Variants in CLDN16 observed in about 807,000 individuals in gnomAD.
CLDN16 encodes claudin-16.
In CLDN16, 13 loss-of-function variants were observed where a neutral mutation model predicts 24.6. The ratio of observed to expected loss-of-function variants is 0.53; its 90% CI spans 0.34 to 0.84. The LOEUF is 0.84. Ranked by LOEUF, CLDN16 falls within the 40% of genes least tolerant of loss-of-function variation. CLDN16 has a pLI of 0.01. For missense variants in CLDN16, 298 were observed against 292.7 expected (o/e 1.02, Z -0.13); for synonymous variants, 116 against 106.7 (o/e 1.09, Z -0.54).
the CLDN16 span, among the ~76,000 whole-genome samples, chr3:190,304,308 T>C: frequency 7.2e-5 from 11 of 152,154 alleles, no homozygotes; most frequent in South Asian, 6.2e-4. Flanking sequence ...CAAGTTTACT[T>C]CTCTTTCCAC....
chr3:190,293,560 T>A, the CLDN16 span, among the ~76,000 whole-genome samples: 1 of 152,218 alleles, frequency 6.6e-6, no homozygotes, highest in Non-Finnish European at 1.5e-5. Flanking sequence ...AGGATTAAAG[T>A]CCAGTGACCA....
intron 2 of CLDN16, among the ~76,000 whole-genome samples, chr3:190,373,843 TA>T (rs59060697): frequency 2.8e-3 from 420 of 149,404 alleles, no homozygotes; most frequent in African/African-American, 7.6e-3. Context: ...GTGCCCATAT[TA>T]AAAAAAAAAA....
intron 1 of CLDN16, among the ~76,000 whole-genome samples, chr3:190,358,182 G>A (rs937206754): frequency 1.3e-5 from 2 of 151,728 alleles, no homozygotes; most frequent in Non-Finnish European, 2.9e-5. Context: ...AATTTGCTTT[G>A]TGATTTAGGA....
chr3:190,399,819 T>C (rs930982504), intron 1 of CLDN16, among the ~76,000 whole-genome samples: 1 of 151,986 alleles, frequency 6.6e-6, no homozygotes, highest in Non-Finnish European at 1.5e-5. Context: ...GGCTGTGCAG[T>C]GGGAGGTGAG....
the CLDN16 span, among the ~76,000 whole-genome samples, chr3:190,301,138 T>C: frequency 2.6e-5 from 4 of 152,190 alleles, no homozygotes; most frequent in Non-Finnish European, 4.4e-5. Context: ...TAGTTCTTCA[T>C]ATGCCCGTTT....
At chr3:190,375,502 G>A (rs979680865) in intron 3 of CLDN16, among the ~76,000 whole-genome samples, 4 of 152,012 alleles carry the variant, frequency 2.6e-5, no homozygotes, top group Admixed American at 6.6e-5. Flanking sequence ...TTTGTTTTAT[G>A]GTTGATCCTA....
chr3:190,336,811 G>A (rs565673300), intron 1 of CLDN16, among the ~76,000 whole-genome samples: 7 of 152,332 alleles, frequency 4.6e-5, no homozygotes, highest in South Asian at 2.1e-4. Context: ...AAAGCTGTTC[G>A]CCAAGAACTG....
intron 1 of CLDN16, among the ~76,000 whole-genome samples, chr3:190,397,300 C>T (rs944544909): frequency 2.6e-5 from 4 of 151,782 alleles, no homozygotes; most frequent in African/African-American, 4.8e-5. Flanking sequence ...ATTGTTTTAA[C>T]GTTATTTATC....
intron 1 of CLDN16, among the ~76,000 whole-genome samples, chr3:190,323,764 C>T (rs563474233): frequency 6.6e-6 from 1 of 152,228 alleles, no homozygotes; most frequent in Non-Finnish European, 1.5e-5. Context: ...CCACCTGGCT[C>T]TCCCTGGATG....
chr3:190,335,462 C>A (rs541612457), intron 1 of CLDN16, among the ~76,000 whole-genome samples: 1 of 152,090 alleles, frequency 6.6e-6, no homozygotes, highest in South Asian at 2.1e-4. Flanking sequence ...CGCCTGTAAT[C>A]CCAGCACTTT....
chr3:190,405,170 C>T (rs1201601291), intron 3 of CLDN16, among the ~76,000 whole-genome samples: 1 of 152,120 alleles, frequency 6.6e-6, no homozygotes, highest in African/African-American at 2.4e-5. Flanking sequence ...TGGCTTATGC[C>T]TATATTCCCA....
chr3:190,352,577 T>C (rs543189690), intron 1 of CLDN16, among the ~76,000 whole-genome samples: 4 of 152,296 alleles, frequency 2.6e-5, no homozygotes, highest in Non-Finnish European at 1.5e-5. Flanking sequence ...AATCATGTAA[T>C]TAGAAATCAA....
chr3:190,311,159 G>A, the CLDN16 span, among the ~76,000 whole-genome samples: 2 of 152,100 alleles, frequency 1.3e-5, no homozygotes, highest in Non-Finnish European at 1.5e-5. Flanking sequence ...AACTTGTGAT[G>A]CTTACTCCTA....
upstream of CLDN16, among the ~76,000 whole-genome samples, chr3:190,317,846 C>T (rs1406452542): frequency 1.3e-5 from 2 of 152,196 alleles, no homozygotes; most frequent in East Asian, 1.9e-4. Context: ...TATAAGTGGA[C>T]ACTTGCTGTT....
intron 1 of CLDN16, among the ~76,000 whole-genome samples, chr3:190,399,825 G>T (rs950987033): frequency 3.9e-5 from 6 of 152,134 alleles, no homozygotes; most frequent in African/African-American, 1.2e-4. Flanking sequence ...GCAGTGGGAG[G>T]TGAGCAGTGA....
rs145233284 is a variant in CLDN16 at position 190,408,257 on chromosome 3, T to G, written c.383-57T>G. On this transcript the variant is annotated intron_variant, in intron 3 of 4. Coordinates refer to ENST00000264734, the MANE Select transcript of CLDN16 (RefSeq NM_006580.4). ...ATTTTGTGTAGTAAGCAGGTATTTT[T>G]GGATTTAAATTCAGAAAATGTCCCC... The G allele has an allele frequency of 4.4e-4, 673 of 1,522,156 alleles. 4 individuals carry two copies. The African/African-American group carries it at 8.5e-3, about 19-fold the overall frequency. 94.3% of individuals were successfully genotyped at this position (1,522,156 alleles called of 1,614,324 possible).
chr3:190,354,002 G>C (rs1717718504), intron 1 of CLDN16, among the ~76,000 whole-genome samples: 2 of 152,038 alleles, frequency 1.3e-5, no homozygotes, highest in Non-Finnish European at 2.9e-5. Context: ...GAGGGTCTAA[G>C]GAATCCTTTC....
At chr3:190,360,169 A>G (rs1317438048) in intron 1 of CLDN16, among the ~76,000 whole-genome samples, 1 of 152,030 alleles carries the variant, frequency 6.6e-6, no homozygotes, top group African/African-American at 2.4e-5. Context: ...GAAATACAAC[A>G]AACAGTAGAG....
the CLDN16 span, chr3:190,307,990 A>C: frequency 2.9e-6 from 1 of 344,462 alleles, no homozygotes; most frequent in Non-Finnish European, 5.5e-6. Flanking sequence ...ATATCTATAT[A>C]TATTTAAGGA....
Sources: allele counts gnomAD v4.1 joint callset (sites outside exome capture counted in the v4.1 genomes callset), GRCh38; gene constraint gnomAD v4.1.1; transcripts MANE v1.5; gene names NCBI Gene and HGNC (gene_info 2026-07-23, HGNC 2026-07-21).